ZNF236: variants seen among roughly 807,000 people sequenced by gnomAD.
ZNF236 encodes the protein zinc finger protein 236, also known as regulated by glucose.
A neutral mutation model predicts 191.2 loss-of-function variants in ZNF236; 50 were observed. That is an observed-to-expected ratio of 0.26 (90% CI 0.21 to 0.33). The LOEUF is 0.33. Ranked by LOEUF, ZNF236 falls within the 10% of genes least tolerant of loss-of-function variation. ZNF236 has a pLI of 1.00. For synonymous variants in ZNF236, 907 were observed against 928.8 expected (o/e 0.98, Z 0.43); for missense variants, 1,754 against 2,374.5 (o/e 0.74, Z 5.43).
At chr18:76,847,477 T>TA (rs1186770495) in intron 1 of ZNF236, among the ~76,000 whole-genome samples, 4 of 151,998 alleles carry the variant, frequency 2.6e-5, no homozygotes, top group African/African-American at 9.7e-5. Flanking sequence ...TTTATTTATT[T>TA]TTTTTTTAGG....
intron 1 of ZNF236, chr18:76,835,009 T>G: frequency 5.8e-6 from 1 of 173,754 alleles, no homozygotes; most frequent in South Asian, 1.3e-4. Context: ...CTTCTTGATA[T>G]GGATACTGAA....
intron 6 of ZNF236, among the ~76,000 whole-genome samples, chr18:76,877,463 C>T (rs990149742): frequency 2.5e-4 from 38 of 151,430 alleles, no homozygotes; most frequent in African/African-American, 8.8e-4. Flanking sequence ...GCCGAGATCA[C>T]GCTGTTGCAC....
At chr18:76,956,736 C>T (rs1342761032) in intron 28 of ZNF236, among the ~76,000 whole-genome samples, 2 of 152,214 alleles carry the variant, frequency 1.3e-5, no homozygotes, top group African/African-American at 4.8e-5. Flanking sequence ...CTGGGACATC[C>T]CCACAGAGGG....
chr18:76,864,636 C>G (rs1407640036), intron 3 of ZNF236, among the ~76,000 whole-genome samples: 1 of 150,472 alleles, frequency 6.6e-6, no homozygotes, highest in Non-Finnish European at 1.5e-5. Context: ...CTTATGAATT[C>G]TTAAATCATA....
chr18:76,887,548 A>G (rs940977388), intron 9 of ZNF236: 4 of 152,234 alleles, frequency 2.6e-5, no homozygotes, highest in African/African-American at 7.2e-5. Context: ...AAGAGGCTGT[A>G]TTAGTCTGTT....
At chr18:76,881,687 T>C (rs1976906053) in intron 9 of ZNF236, among the ~76,000 whole-genome samples, 175 bp downstream of exon 9, 1 of 152,230 alleles carries the variant, frequency 6.6e-6, no homozygotes, top group South Asian at 2.1e-4. Context: ...ATAAAATGCC[T>C]GAAACTTATC....
chr18:76,845,008 C>T (rs1212364175), intron 1 of ZNF236, among the ~76,000 whole-genome samples: 3 of 152,150 alleles, frequency 2.0e-5, no homozygotes, highest in African/African-American at 7.2e-5. Context: ...CTAGTAGCTA[C>T]AGGAAACATT....
chr18:76,849,238 T>G (rs1023212847), intron 1 of ZNF236: 1 of 288,138 alleles, frequency 3.5e-6, no homozygotes, highest in Non-Finnish European at 6.4e-6. Flanking sequence ...TTTGTGTGTT[T>G]TGGTGTGTGT....
At chr18:76,941,240 C>G (rs1437583963) in intron 26 of ZNF236, among the ~76,000 whole-genome samples, 1 of 152,136 alleles carries the variant, frequency 6.6e-6, no homozygotes, top group Non-Finnish European at 1.5e-5. Context: ...GCAGTGATGA[C>G]CCTGGGATGC....
At chr18:76,878,267 G>T (rs973026868) in intron 7 of ZNF236, 115 bp downstream of exon 7, 4 of 920,296 alleles carry the variant, frequency 4.3e-6, no homozygotes, top group Non-Finnish European at 6.1e-6. Flanking sequence ...TTTTTATATG[G>T]AGAAAAGGTG....
chr18:76,904,671 T>A, intron 12 of ZNF236, 150 bp downstream of exon 12: 1 of 656,058 alleles, frequency 1.5e-6, no homozygotes, highest in Non-Finnish European at 2.2e-6. Context: ...TAATTAATAT[T>A]TTTATTCTTT....
At chr18:76,907,157 C>T (rs973773195) in intron 13 of ZNF236, among the ~76,000 whole-genome samples, 2 of 152,184 alleles carry the variant, frequency 1.3e-5, no homozygotes, top group African/African-American at 4.8e-5. Context: ...TTTGTTCTCC[C>T]TTCCACAGTA....
intron 1 of ZNF236, among the ~76,000 whole-genome samples, chr18:76,827,765 C>G (rs1469808874): frequency 3.3e-5 from 5 of 152,194 alleles, no homozygotes; most frequent in African/African-American, 7.2e-5. Context: ...AGCATTCATT[C>G]AGCACTTGAT....
At chr18:76,837,437 CTT>C (rs71760598) in intron 1 of ZNF236, among the ~76,000 whole-genome samples, 14 of 105,874 alleles carry the variant, frequency 1.3e-4, no homozygotes, top group African/African-American at 3.8e-4. Flanking sequence ...TTTTCTTTTT[CTT>C]TTTTTTTTTT....
intron 11 of ZNF236, among the ~76,000 whole-genome samples, chr18:76,902,662 C>T (rs1015770632): frequency 6.6e-6 from 1 of 152,172 alleles, no homozygotes; most frequent in Non-Finnish European, 1.5e-5. Flanking sequence ...ACCTCTGCCT[C>T]CCGGGTTCAA....
At chr18:76,961,181 C>A (rs1968658503) in intron 30 of ZNF236, among the ~76,000 whole-genome samples, 1 of 152,106 alleles carries the variant, frequency 6.6e-6, no homozygotes, top group South Asian at 2.1e-4. Context: ...CCCGAGTCCC[C>A]AAAGTCCATT....
At chr18:76,883,433 A>AT (rs1277243552) in intron 9 of ZNF236, among the ~76,000 whole-genome samples, 12 of 60,158 alleles carry the variant, frequency 2.0e-4, no homozygotes, top group Non-Finnish European at 2.7e-4. Context: ...GGGGATTTTT[A>AT]TTTTTTTTGA....
At position 76,971,698 on chromosome 18, in the gene ZNF236, C is replaced by T. The variant is rs1222837485; in HGVS notation, c.*3359C>T. Among the ~76,000 whole-genome samples, 2 of 152,096 alleles carry T rather than the reference C, an allele frequency of 1.3e-5. No homozygotes were observed. Among genetic ancestry groups the T allele is most frequent in the Non-Finnish European group, 2.9e-5 (2 of 68,022 alleles). On this transcript the variant is annotated 3_prime_UTR_variant, in exon 31 of 31. Transcript: ENST00000320610. The stretch of plus-strand genomic sequence containing the variant: ...CCTCATTTTAGAAGAATATTTGTAA[C>T]TCATTAAGATACACATTTTAACATG...
In ZNF236 at chr18:76,945,768, C is replaced by T. The variant is rs549473129; in HGVS notation, c.4783-1753C>T. Among the ~76,000 whole-genome samples the T allele has an allele frequency of 1.4e-4, 22 of 152,206 alleles. No homozygotes were observed. The South Asian group carries it at 2.9e-3, about 20-fold the overall frequency. On this transcript the variant is annotated intron_variant, in intron 26 of 30. Coordinates refer to ENST00000320610, the MANE Select transcript of ZNF236 (RefSeq NM_001306089.2). ...CACTGCACTCCAGCCTGGGTGACAGCGCAAGACTTTATCTCCAAAAAAAGA... is the reference window on the plus strand; with the variant it reads ...CACTGCACTCCAGCCTGGGTGACAGTGCAAGACTTTATCTCCAAAAAAAGA...
Sources: gnomAD v4.1 joint callset for allele counts (sites outside exome capture counted in the v4.1 genomes callset) on GRCh38, gnomAD v4.1.1 for gene constraint, MANE v1.5 for transcripts, NCBI Gene and HGNC (gene_info 2026-07-23, HGNC 2026-07-21) for gene names.